AFF4: variants seen among roughly 807,000 people sequenced by gnomAD.
AFF4 encodes AF4/FMR2 family member 4.
AFF4 carries 13 observed loss-of-function variants against 124.8 expected under a neutral mutation model. That is an observed-to-expected ratio of 0.10 (90% CI 0.07 to 0.17). The LOEUF (loss-of-function observed/expected upper bound fraction) is 0.17. Among genes scored for constraint, AFF4 ranks in the 10% least tolerant of loss-of-function variants. AFF4 has a pLI of 1.00. For synonymous variants in AFF4, 477 were observed against 496.1 expected (o/e 0.96, Z 0.51); for missense variants, 1,092 against 1,403.8 (o/e 0.78, Z 3.55).
Position 132,934,647 on chromosome 5 carries a change from T to C in AFF4, c.418A>G (p.Ser140Gly). ...GHSSQRTSAG[S>G]SSGTNSSGQR... ...CCACTACTGTTAGTGCCACTACTGC[T>C]ACCTGCGCTGGTCCGCTGGCTACTA... The change falls in exon 3 of 21, where the codon AGC becomes GGC. Residue 140 changes from serine (S) to glycine (G), a missense_variant. Coordinates refer to ENST00000265343, the MANE Select transcript of AFF4 (RefSeq NM_014423.4). The C allele has an allele frequency of 6.2e-7, 1 of 1,614,174 alleles. No homozygotes were observed. Among genetic ancestry groups the C allele is most frequent in the Non-Finnish European group, 8.5e-7 (1 of 1,180,038 alleles).
chr5:132,910,140 G>GA (rs1218692989), intron 5 of AFF4, among the ~76,000 whole-genome samples: 1 of 152,098 alleles, frequency 6.6e-6, no homozygotes, highest in Non-Finnish European at 1.5e-5. Context: ...AAATACCAGG[G>GA]AAAAATAGCA....
intron 5 of AFF4, among the ~76,000 whole-genome samples, chr5:132,913,417 C>T (rs1338004636): frequency 6.6e-6 from 1 of 152,090 alleles, no homozygotes; most frequent in Non-Finnish European, 1.5e-5. Flanking sequence ...CCAACTTGAC[C>T]TAACAGGACA....
At chr5:132,942,207 T>C (rs972999511) in intron 1 of AFF4, among the ~76,000 whole-genome samples, 1 of 152,108 alleles carries the variant, frequency 6.6e-6, no homozygotes, top group Non-Finnish European at 1.5e-5. Flanking sequence ...AAAATCAGGG[T>C]TCTGCAACCC....
chr5:132,945,934 C>G (rs1037353587), intron 1 of AFF4, among the ~76,000 whole-genome samples: 1 of 152,028 alleles, frequency 6.6e-6, no homozygotes, highest in African/African-American at 2.4e-5. Flanking sequence ...GTGGCGCAAG[C>G]CTGTAATCCC....
At chr5:132,894,138 T>C (rs1361298540) in intron 11 of AFF4, among the ~76,000 whole-genome samples, 1 of 152,248 alleles carries the variant, frequency 6.6e-6, no homozygotes, top group Non-Finnish European at 1.5e-5. Flanking sequence ...ACTATGAACA[T>C]TCAAGTACAA....
At chr5:132,890,103 A>G (rs1466729945) in intron 13 of AFF4, among the ~76,000 whole-genome samples, 1 of 151,874 alleles carries the variant, frequency 6.6e-6, no homozygotes, top group African/African-American at 2.4e-5. Context: ...ATGTTTCAAC[A>G]TTAGAAAACT....
chr5:132,952,765 G>A (rs1761874854), intron 1 of AFF4, among the ~76,000 whole-genome samples: 1 of 152,130 alleles, frequency 6.6e-6, no homozygotes, highest in Non-Finnish European at 1.5e-5. Context: ...GGGCATAGTG[G>A]TGCATGCCTG....
At chr5:132,885,148 A>T (rs1339335533) in intron 18 of AFF4, 29 bp from the exon 19 acceptor site, 1 of 1,535,550 alleles carries the variant, frequency 6.5e-7, no homozygotes, top group Admixed American at 1.9e-5. Context: ...GTACTTAACA[A>T]CAACAAAAAC....
chr5:132,937,098 C>T lies in AFF4; in HGVS notation c.92G>A (p.Ser31Asn), dbSNP rs780861444. ...GTATGGCTCTGCAAAGAGAGGAGAG[C>T]TAGGTGGGAAGGCGTCTTCGCCCTG... ...IQQGEDAFPP[S>N]SPLFAEPYKV... Residue 31 changes from serine to asparagine, a missense_variant, in exon 2 of 21, where the codon AGC (serine) becomes AAC (asparagine). Ser to Asn is a conservative substitution (Grantham distance 46). This residue lies in a region of AFF4 where 46 missense variants were observed against 49.0 expected (regional missense o/e 0.94). Coordinates refer to ENST00000265343, the MANE Select transcript of AFF4 (RefSeq NM_014423.4). 11 of 1,613,732 alleles carry T rather than the reference C, an allele frequency of 6.8e-6. No individual in the cohort carries two copies. The highest frequency in any genetic ancestry group is 6.7e-5 in the Admixed American group (4 of 60,026).
intron 5 of AFF4, among the ~76,000 whole-genome samples, chr5:132,913,679 G>A (rs1760845288): frequency 6.6e-6 from 1 of 152,062 alleles, no homozygotes; most frequent in South Asian, 2.1e-4. Flanking sequence ...TGGCCTCCAG[G>A]GATCCTCCCA....
chr5:132,886,867 GTTTC>G (rs1760132066), intron 17 of AFF4, among the ~76,000 whole-genome samples: 3 of 152,166 alleles, frequency 2.0e-5, no homozygotes, highest in Non-Finnish European at 4.4e-5. Flanking sequence ...TTCCTTGAAA[GTTTC>G]CCATTCCTTT....
intron 2 of AFF4, among the ~76,000 whole-genome samples, chr5:132,936,083 T>C (rs1286988456): frequency 3.3e-5 from 5 of 151,678 alleles, no homozygotes; most frequent in Non-Finnish European, 5.9e-5. Context: ...CTGGCTAACA[T>C]GGTGAAACCC....
Position 132,892,224 on chromosome 5 carries a change from G to T in AFF4, c.2577C>A (p.Ser859=). ...KETSGSSKNS[S]STSKQKKTEG... ...CGGTCTTCTTCTGCTTTGATGTGGA[G>T]GAACTGTTTTTGCTGCTGCCACTCG... The change falls in exon 13 of 21, where the codon TCC becomes TCA. Residue 859 remains serine, a synonymous_variant. Coordinates refer to ENST00000265343, the MANE Select transcript of AFF4 (RefSeq NM_014423.4). 6.2e-7 allele frequency: 1 copy of T among 1,614,080 alleles called. No homozygotes were observed. The highest frequency in any genetic ancestry group is 8.5e-7 in the Non-Finnish European group (1 of 1,180,018).
intron 1 of AFF4, among the ~76,000 whole-genome samples, chr5:132,939,805 T>C (rs914850464): frequency 1.3e-5 from 2 of 151,914 alleles, no homozygotes; most frequent in Non-Finnish European, 2.9e-5. Flanking sequence ...GCGATGGGGT[T>C]TCACCGAGTT....
intron 8 of AFF4, 130 bp from the exon 9 acceptor site, chr5:132,899,271 A>T: frequency 1.2e-6 from 1 of 840,822 alleles, no homozygotes; most frequent in Non-Finnish European, 1.8e-6. Flanking sequence ...TTTAGCACTT[A>T]TACTGTTTTT....
intron 17 of AFF4, 105 bp downstream of exon 17, chr5:132,887,416 G>T (rs1295783435): frequency 9.5e-6 from 10 of 1,050,590 alleles, no homozygotes; most frequent in African/African-American, 3.2e-5. Context: ...TTTAAGACAG[G>T]ATTACAGAAG....
chr5:132,947,697 C>A (rs902587351), intron 1 of AFF4, among the ~76,000 whole-genome samples: 11 of 152,152 alleles, frequency 7.2e-5, no homozygotes, highest in African/African-American at 2.7e-4. Flanking sequence ...AGCACAAAGC[C>A]TCAACAGTAC....
Position 132,887,860 on chromosome 5 carries a change from C to T in AFF4, c.2919G>A (p.Thr973=), listed in dbSNP as rs759710714. 7.4e-6 allele frequency: 12 copies of T among 1,613,058 alleles called. No individual in the cohort carries two copies. The highest frequency in any genetic ancestry group is 4.5e-5 in the East Asian group (2 of 44,862). ...SKSPFPMYSE[T]VDLIKYTMKL... is the part of the protein sequence containing the mutation. Reference sequence around the variant, plus strand: ...TTTCCACTTACTTGATGAGATCCACCGTCTCTGAATACATAGGGAATGGGG... The same window carrying T: ...TTTCCACTTACTTGATGAGATCCACTGTCTCTGAATACATAGGGAATGGGG... Residue 973 remains threonine (T), a synonymous_variant, in exon 16 of 21, where the codon ACG becomes ACA. Coordinates refer to ENST00000265343, the MANE Select transcript of AFF4 (RefSeq NM_014423.4).
At chr5:132,908,450 G>A (rs1284188801) in intron 5 of AFF4, among the ~76,000 whole-genome samples, 1 of 151,844 alleles carries the variant, frequency 6.6e-6, no homozygotes, top group Non-Finnish European at 1.5e-5. Flanking sequence ...CAAAATTTCA[G>A]TCCTATACAT....
Sources: allele counts gnomAD v4.1 joint callset (sites outside exome capture counted in the v4.1 genomes callset), GRCh38; gene constraint gnomAD v4.1.1; regional missense constraint gnomAD v4.1.1; transcripts MANE v1.5; gene names NCBI Gene and HGNC (gene_info 2026-07-23, HGNC 2026-07-21).